PSIP1: variants seen among roughly 807,000 people sequenced by gnomAD.
PSIP1 encodes PC4 and SFRS1-interacting protein.
PSIP1 carries 19 observed loss-of-function variants against 74.7 expected under a neutral mutation model. That is an observed-to-expected ratio of 0.25 (90% CI 0.18 to 0.37). The LOEUF (loss-of-function observed/expected upper bound fraction) is 0.37, where lower values mean the gene tolerates loss of function less well. PSIP1 is among the 10% of genes least tolerant of loss of function. PSIP1 has a pLI of 1.00. For synonymous variants in PSIP1, 222 were observed against 195.3 expected, an observed-to-expected ratio of 1.14 and a Z score of -1.14; for missense variants, 601 against 614.3, an observed-to-expected ratio of 0.98 and a Z score of 0.23.
chr9:15,487,837 A>G (rs928325660), intron 4 of PSIP1, among the ~76,000 whole-genome samples: 1 of 152,236 alleles, frequency 6.6e-6, no homozygotes, highest in Non-Finnish European at 1.5e-5. Context: ...TAGCAGGTAC[A>G]GACAAGTACA....
chr9:15,481,184 A>T (rs187166042), intron 6 of PSIP1, among the ~76,000 whole-genome samples: 2 of 152,334 alleles, frequency 1.3e-5, no homozygotes. Context: ...CTGATTCAAT[A>T]GCTCTGAGTC....
intron 12 of PSIP1, 90 bp downstream of exon 12, chr9:15,469,176 T>A: frequency 7.6e-7 from 1 of 1,316,370 alleles, no homozygotes; most frequent in Non-Finnish European, 1.1e-6. Flanking sequence ...AATTATCCCT[T>A]AAATTTACAT....
chr9:15,492,138 C>G (rs559241095), intron 3 of PSIP1: 1 of 152,366 alleles, frequency 6.6e-6, no homozygotes, highest in South Asian at 2.1e-4. Flanking sequence ...TCCCCATCCC[C>G]CAAAGTCTTA....
intron 7 of PSIP1, 43 bp from the exon 8 acceptor site, chr9:15,478,595 A>G (rs763996118): frequency 1.3e-5 from 16 of 1,257,816 alleles, no homozygotes; most frequent in Non-Finnish European, 1.6e-5. Flanking sequence ...ACTAGTTTCT[A>G]TTTAAGATAC....
intron 2 of PSIP1, among the ~76,000 whole-genome samples, chr9:15,508,316 C>G (rs977862986): frequency 1.3e-5 from 2 of 152,100 alleles, no homozygotes; most frequent in African/African-American, 4.8e-5. Context: ...AGGAATGTAA[C>G]TGTTGGACAC....
intron 3 of PSIP1, among the ~76,000 whole-genome samples, chr9:15,499,241 T>C (rs1028634886): frequency 6.6e-6 from 1 of 152,210 alleles, no homozygotes; most frequent in Non-Finnish European, 1.5e-5. Context: ...AATAAAATAT[T>C]CATGCTATTT....
At chr9:15,472,514 G>A (rs1201206204) in intron 10 of PSIP1, 118 bp downstream of exon 10, 2 of 1,449,530 alleles carry the variant, frequency 1.4e-6, no homozygotes, top group Non-Finnish European at 9.0e-7. Flanking sequence ...TCTAACACAT[G>A]GGAAAAGTCA....
At position 15,465,524 on chromosome 9, in the gene PSIP1, T is replaced by C. The variant is rs2035560610; in HGVS notation, c.1589A>G (p.Asn530Ser). The change falls in exon 16 of 16, where the codon AAC becomes AGC. Residue 530 changes from asparagine to serine, a missense_variant. Asn to Ser is a conservative substitution (Grantham distance 46, BLOSUM62 1). Coordinates refer to ENST00000380733, the MANE Select transcript of PSIP1 (RefSeq NM_033222.5). ...CTATATTCCAGGTATGTCAACCTAG[T>C]TATCTAGTGTAGAATCCTTCAGAGA... ...EISLKDSTLD[N>S] 6.4e-7 allele frequency: 1 copy of C among 1,559,142 alleles called. No individual in the cohort carries two copies. The highest frequency in any genetic ancestry group is 8.8e-7 in the Non-Finnish European group (1 of 1,137,240).
At chr9:15,476,223 G>A (rs995957053) in intron 8 of PSIP1, among the ~76,000 whole-genome samples, 1 of 152,138 alleles carries the variant, frequency 6.6e-6, no homozygotes, top group African/African-American at 2.4e-5. Context: ...CTATTTTAGG[G>A]TTGTCCATTG....
chr9:15,469,021 G>C lies in PSIP1; in HGVS notation c.1142C>G (p.Ala381Gly). ...TTGTTGCATTGTGACCTGAAGTGAA[G>C]CAAGTTCATCCAAGGCCTCAATGCA... Reference protein sequence around the residue: ...NRCIEALDELASLQVTMQQAQ... With the variant: ...NRCIEALDELGSLQVTMQQAQ... The change falls in exon 13 of 16, where the codon GCT (alanine) becomes GGT (glycine). Residue 381 changes from alanine to glycine, a missense_variant. Physicochemically the swap from Ala to Gly is moderately conservative, Grantham distance 60. Transcript: ENST00000380733. The C allele has an allele frequency of 6.2e-7, 1 of 1,613,816 alleles. No homozygotes were observed. The highest frequency in any genetic ancestry group is 8.5e-7 in the Non-Finnish European group (1 of 1,179,926).
rs2037800755 is a variant in PSIP1 at position 15,510,295 on chromosome 9, G to C, written c.-107C>G. ...GGGCCCAGCTACCGGGCCCGCGGGC[G>C]GGGGAGGATGCCTCGGGGCGTCCCG... On this transcript the variant is annotated 5_prime_UTR_variant, in exon 2 of 16. Transcript: ENST00000380733. 2.3e-6 allele frequency: 2 copies of C among 861,624 alleles called. No individual in the cohort carries two copies. The highest frequency in any genetic ancestry group is 3.4e-6 in the Non-Finnish European group (2 of 590,334). The allele number at this position is 861,624 out of a possible 1,614,324, so 53.4% of individuals were successfully genotyped here.
At position 15,467,608 on chromosome 9, in the gene PSIP1, A is replaced by G. The variant is rs978325430; in HGVS notation, c.1421-749T>C. ...ATAGAGAAAGCTTATGGGCTACAAAAGCACAATGATCATAAACTGAACTGC... is the reference window on the plus strand; with the variant it reads ...ATAGAGAAAGCTTATGGGCTACAAAGGCACAATGATCATAAACTGAACTGC... On this transcript the variant is annotated intron_variant, in intron 14 of 15. Coordinates refer to ENST00000380733, the MANE Select transcript of PSIP1 (RefSeq NM_033222.5). Among the ~76,000 whole-genome samples, 10 of 152,354 alleles carry G rather than the reference A, an allele frequency of 6.6e-5. No homozygotes were observed. The East Asian group carries it at 1.7e-3, about 26-fold the overall frequency.
intron 4 of PSIP1, 72 bp downstream of exon 4, chr9:15,489,914 T>G: frequency 1.4e-5 from 18 of 1,254,310 alleles, no homozygotes; most frequent in Non-Finnish European, 1.9e-5. Context: ...GTATTTACTT[T>G]CCTACAGCTA....
intron 10 of PSIP1, 158 bp downstream of exon 10, chr9:15,472,474 A>G (rs1011511695): frequency 2.1e-6 from 3 of 1,399,152 alleles, no homozygotes; most frequent in Admixed American, 3.5e-5. Flanking sequence ...GAAGCCTGAA[A>G]TAAGATCATC....
At chr9:15,470,449 A>G (rs1211256734) in intron 10 of PSIP1, among the ~76,000 whole-genome samples, 4 of 152,102 alleles carry the variant, frequency 2.6e-5, no homozygotes, top group Non-Finnish European at 5.9e-5. Flanking sequence ...AATTTTGGCC[A>G]ATTCATCAAA....
At position 15,464,627 on chromosome 9, in the gene PSIP1, A is replaced by C. The variant is rs922724663; in HGVS notation, c.*893T>G. 5.0e-6 allele frequency: 1 copy of C among 198,260 alleles called. No individual in the cohort carries two copies. Among genetic ancestry groups the C allele is most frequent in the African/African-American group, 2.3e-5 (1 of 43,392 alleles). 12.3% of individuals were successfully genotyped at this position (198,260 alleles called of 1,614,324 possible). A position where few individuals can be genotyped will look rare whatever the true frequency, so the allele number is the denominator to read the frequency against. On this transcript the variant is annotated 3_prime_UTR_variant, in exon 16 of 16. Coordinates refer to ENST00000380733, the MANE Select transcript of PSIP1 (RefSeq NM_033222.5). The stretch of plus-strand genomic sequence containing the variant: ...ATTTATTCATATTTATTGTATAAGC[A>C]TCATGATTTTTTCTTCCAATTAAGT...
chr9:15,469,369 A>G (rs376714629), intron 11 of PSIP1, 33 bp from the exon 12 acceptor site: 8 of 1,387,892 alleles, frequency 5.8e-6, no homozygotes, highest in East Asian at 4.6e-5. Context: ...AACAGTGAAC[A>G]GTTTTTCCAA....
intron 10 of PSIP1, 124 bp from the exon 11 acceptor site, chr9:15,470,117 C>T: frequency 2.8e-6 from 2 of 702,112 alleles, no homozygotes; most frequent in Non-Finnish European, 4.9e-6. Flanking sequence ...TGCAAAGGAA[C>T]TGACTGTAGC....
intron 2 of PSIP1, among the ~76,000 whole-genome samples, chr9:15,508,307 G>C (rs1024825808): frequency 3.3e-5 from 5 of 152,140 alleles, no homozygotes; most frequent in African/African-American, 1.2e-4. Context: ...GACAGAAAAA[G>C]GAATGTAACT....
Sources: allele counts gnomAD v4.1 joint callset (sites outside exome capture counted in the v4.1 genomes callset), GRCh38; gene constraint gnomAD v4.1.1; transcripts MANE v1.5; gene names NCBI Gene and HGNC (gene_info 2026-07-23, HGNC 2026-07-21).